The following CEP170B variants were observed in gnomAD, a reference collection of about 807,000 sequenced individuals.
The protein encoded by CEP170B is centrosomal protein 170B, also known as centrosomal protein of 170 kDa protein B.
A neutral mutation model predicts 120.6 loss-of-function variants in CEP170B; 55 were observed. The observed-to-expected ratio is 0.46, with a 90% confidence interval of 0.37 to 0.57. CEP170B has a LOEUF of 0.57. CEP170B is among the 20% of genes least tolerant of loss of function. The probability of loss-of-function intolerance (pLI) is 0.00; values close to 1 mark genes in which losing one functional copy is unlikely to be tolerated. For missense variants in CEP170B, 2,212 were observed against 2,253.3 expected, an observed-to-expected ratio of 0.98 and a Z score of 0.37; for synonymous variants, 1,033 against 954.5, an observed-to-expected ratio of 1.08 and a Z score of -1.52.
chr14:104,891,491 C>T lies in CEP170B; in HGVS notation c.3879-1485C>T, dbSNP rs1896855112. 6.6e-6 allele frequency among the ~76,000 whole-genome samples: 1 copy of T among 151,754 alleles called. No homozygotes were observed. The highest frequency in any genetic ancestry group is 6.6e-5 in the Admixed American group (1 of 15,246). On this transcript the variant is annotated intron_variant, in intron 13 of 18. Coordinates refer to ENST00000414716, the MANE Select transcript of CEP170B (RefSeq NM_001112726.3). This position sits in a 1 kb window ranked among gnomAD's most constrained non-coding sequence, Gnocchi z 4.3. ...AGGCGCAGGCACCTGAGGCTGTGAG[C>T]AGCATGAAGTTGGTGGGGAGGACCT...
intron 16 of CEP170B, 28 bp downstream of exon 16, chr14:104,893,877 C>T (rs372950060): frequency 3.5e-5 from 55 of 1,586,028 alleles, no homozygotes; most frequent in Admixed American, 3.4e-4. Flanking sequence ...CTGAGGTGGA[C>T]GCCCAGACAC....
At position 104,886,884 on chromosome 14, in the gene CEP170B, A is replaced by C; in HGVS notation, c.2645A>C (p.Lys882Thr). ...GCCAGTGGTCCCCCAGCGCCCGGCAAGCCCCCCCACATCTCCAGCCACCCG... is the reference window on the plus strand; with the variant it reads ...GCCAGTGGTCCCCCAGCGCCCGGCACGCCCCCCCACATCTCCAGCCACCCG... ...EPASGPPAPG[K>T]PPHISSHPLL... Residue 882 changes from lysine (K) to threonine (T), a missense_variant, in exon 12 of 19, where the codon AAG (lysine) becomes ACG (threonine). Lys to Thr is a moderately conservative substitution (Grantham distance 78). Around this residue, in one of 2 missense-constraint regions of CEP170B, gnomAD observed 2,166 missense variants for 2,166.7 expected, o/e 1.00. Coordinates refer to ENST00000414716, the MANE Select transcript of CEP170B (RefSeq NM_001112726.3). 1.2e-6 allele frequency: 2 copies of C among 1,610,470 alleles called. No homozygotes were observed. The highest frequency in any genetic ancestry group is 2.2e-5 in the East Asian group (1 of 44,868).
At position 104,886,737 on chromosome 14, in the gene CEP170B, G is replaced by A. The variant is rs200431109; in HGVS notation, c.2498G>A (p.Arg833Gln). The A allele has an allele frequency of 5.8e-4, 932 of 1,608,168 alleles. 3 individuals carry two copies. Among genetic ancestry groups the A allele is most frequent in the South Asian group, 1.4e-3 (130 of 90,680 alleles). Reference sequence around the variant, plus strand: ...ACAGCCCAGCCCAGCCCCCCAGCACGGGATGGCGTCTATGTCAGTGCCAAT... The same window carrying A: ...ACAGCCCAGCCCAGCCCCCCAGCACAGGATGGCGTCTATGTCAGTGCCAAT... The part of the protein sequence containing the change: ...GQTAQPSPPA[R>Q]DGVYVSANGR... The change falls in exon 12 of 19, where the codon CGG becomes CAG. Residue 833 changes from arginine (R) to glutamine (Q), a missense_variant. Transcript: ENST00000414716.
At position 104,868,145 on chromosome 14, in the gene CEP170B, G is replaced by A. The variant is rs1024785084; in HGVS notation, c.-27-279G>A. ...AACCCCTGACACCTGGAAGATAGAG[G>A]AGATGAGGTGTGCTGGGGCCTGGAG... On this transcript the variant is annotated intron_variant, in intron 1 of 18. Coordinates refer to ENST00000414716, the MANE Select transcript of CEP170B (RefSeq NM_001112726.3). The surrounding 1 kb of genome is among the most constrained non-coding windows in gnomAD (Gnocchi z 5.9). Among the ~76,000 whole-genome samples, 1 of 152,142 alleles carries A rather than the reference G, an allele frequency of 6.6e-6. No homozygotes were observed. Among genetic ancestry groups the A allele is most frequent in the Non-Finnish European group, 1.5e-5 (1 of 67,998 alleles).
In CEP170B at chr14:104,878,466, C is replaced by T. The variant is rs1282777596; in HGVS notation, c.298C>T (p.Arg100Cys). ...GYDSNMYVLERVQHRVPEEAL... is the reference protein window; with the variant it reads ...GYDSNMYVLECVQHRVPEEAL... Reference sequence around the variant, plus strand: ...ACATTCCAACATGTATGTGCTGGAGCGTGTGCAGCACCGAGTCCCGGAGGA... The same window carrying T: ...ACATTCCAACATGTATGTGCTGGAGTGTGTGCAGCACCGAGTCCCGGAGGA... Residue 100 changes from arginine (R) to cysteine (C), a missense_variant, in exon 5 of 19, where the codon CGT becomes TGT. By Grantham distance (180) the Arg-to-Cys change is radical. Coordinates refer to ENST00000414716, the MANE Select transcript of CEP170B (RefSeq NM_001112726.3). The T allele has an allele frequency of 5.6e-6, 9 of 1,612,434 alleles. No homozygotes were observed. Among genetic ancestry groups the T allele is most frequent in the East Asian group, 2.2e-5 (1 of 44,890 alleles).
chr14:104,893,965 C>G, intron 16 of CEP170B, 116 bp downstream of exon 16: 5 of 970,816 alleles, frequency 5.2e-6, no homozygotes, highest in Non-Finnish European at 7.9e-6. Context: ...TCGTGTGCAC[C>G]TGTGGAGCAG....
At position 104,894,843 on chromosome 14, in the gene CEP170B, C is replaced by T. The variant is rs765925122; in HGVS notation, c.4550C>T (p.Ala1517Val). 1 of 1,609,840 alleles carries T rather than the reference C, an allele frequency of 6.2e-7. No homozygotes were observed. Among genetic ancestry groups the T allele is most frequent in the Non-Finnish European group, 8.5e-7 (1 of 1,178,838 alleles). Reference sequence around the variant, plus strand: ...CAGAGCCCACCCTCACCCGCCTCAGCCGAGGCCCTGCTGCCAGCCCTGCCC... The same window carrying T: ...CAGAGCCCACCCTCACCCGCCTCAGTCGAGGCCCTGCTGCCAGCCCTGCCC... ...AAQSPPSPAS[A>V]EALLPALPLR... Residue 1517 changes from alanine (A) to valine (V), a missense_variant, in exon 19 of 19, where the codon GCC becomes GTC. Physicochemically the swap from Ala to Val is moderately conservative, Grantham distance 64. Around this residue, in one of 2 missense-constraint regions of CEP170B, gnomAD observed 2,166 missense variants for 2,166.7 expected, o/e 1.00. Transcript: ENST00000414716.
In CEP170B at chr14:104,889,627, G is replaced by C; in HGVS notation, c.3747G>C (p.Gln1249His). Residue 1249 changes from glutamine (Q) to histidine (H), a missense_variant, in exon 13 of 19, where the codon CAG becomes CAC. Gln to His is a conservative substitution (Grantham distance 24). Coordinates refer to ENST00000414716, the MANE Select transcript of CEP170B (RefSeq NM_001112726.3). ...SGSARYTSTTQTPRAGSSSRA... is the reference protein window; with the variant it reads ...SGSARYTSTTHTPRAGSSSRA... Reference sequence around the variant, plus strand: ...GCTCCCACACCTCAACAGCCACTCAGACCCCGAGGGCTGGCAGCTCCAGCC... The same window carrying C: ...GCTCCCACACCTCAACAGCCACTCACACCCCGAGGGCTGGCAGCTCCAGCC... 6.2e-7 allele frequency: 1 copy of C among 1,611,288 alleles called. No homozygotes were observed. The highest frequency in any genetic ancestry group is 8.5e-7 in the Non-Finnish European group (1 of 1,179,726).
rs1322717846 is a variant in CEP170B, at chr14:104,865,741, G to A, written c.-28+228G>A. Among the ~76,000 whole-genome samples, 1 of 152,032 alleles carries A rather than the reference G, an allele frequency of 6.6e-6. No homozygotes were observed. Among genetic ancestry groups the A allele is most frequent in the Non-Finnish European group, 1.5e-5 (1 of 67,960 alleles). The stretch of plus-strand genomic sequence containing the variant: ...CCCCGTTTCTACGCGGCCTGCGGAG[G>A]GGGCGGCAAGCCTGGGCACCCGGGT... On this transcript the variant is annotated intron_variant, in intron 1 of 18. Coordinates refer to ENST00000414716, the MANE Select transcript of CEP170B (RefSeq NM_001112726.3). The surrounding 1 kb of genome is among the most constrained non-coding windows in gnomAD (Gnocchi z 6.7).
chr14:104,886,287 G>T lies in CEP170B; in HGVS notation c.2048G>T (p.Gly683Val). The T allele has an allele frequency of 6.5e-7, 1 of 1,542,166 alleles. No homozygotes were observed. The highest frequency in any genetic ancestry group is 1.9e-5 in the Admixed American group (1 of 52,324). ...TTGTGCTCCACAGAGGATGGCCTGG[G>T]ACGTAGAGGCGGGGAGCCGGAGGGG... The part of the protein sequence containing the change: ...SDPGLTEDGL[G>V]RRGGEPEGSL... Residue 683 changes from glycine (G) to valine (V), a missense_variant, in exon 12 of 19, where the codon GGA (glycine) becomes GTA (valine). This residue lies in a region of CEP170B where 2,166 missense variants were observed against 2,166.7 expected (regional missense o/e 1.00). Coordinates refer to ENST00000414716, the MANE Select transcript of CEP170B (RefSeq NM_001112726.3).
chr14:104,865,320 C>G lies in CEP170B; in HGVS notation c.-221C>G, dbSNP rs1256474694. 1 of 146,142 alleles carries G rather than the reference C, an allele frequency of 6.8e-6. No homozygotes were observed. 9.1% of individuals were successfully genotyped at this position (146,142 alleles called of 1,614,324 possible). ...GCCGGCGGCCGCTCTGCCGTGGGCT[C>G]GGCCCGGGCTGCCACGAGCGTGCGG... On this transcript the variant is annotated 5_prime_UTR_variant, in exon 1 of 19. Transcript: ENST00000414716. The surrounding 1 kb of genome is among the most constrained non-coding windows in gnomAD (Gnocchi z 6.7).
Position 104,886,099 on chromosome 14 carries a change from G to C in CEP170B, c.2004G>C (p.Leu668=). The C allele has an allele frequency of 1.3e-6, 2 of 1,546,710 alleles. No individual in the cohort carries two copies. Among genetic ancestry groups the C allele is most frequent in the South Asian group, 2.4e-5 (2 of 83,956 alleles). ...GQKWVSRWAS[L]ADSYSDPGLT... ...AGTGGGTGTCCCGCTGGGCCAGCCT[G>C]GCTGACAGCTACTCAGACCCGGGCC... The change falls in exon 11 of 19, where the codon CTG becomes CTC. Residue 668 remains leucine, a synonymous_variant. Transcript: ENST00000414716.
At chr14:104,889,834 C>A in intron 13 of CEP170B, 76 bp downstream of exon 13, 1 of 1,491,876 alleles carries the variant, frequency 6.7e-7, no homozygotes, top group South Asian at 1.3e-5. Context: ...AGGGCAGGGA[C>A]CAGGCTGGGA....
chr14:104,886,739 G>A lies in CEP170B; in HGVS notation c.2500G>A (p.Asp834Asn), dbSNP rs1211682897. The change falls in exon 12 of 19, where the codon GAT (aspartate) becomes AAT (asparagine). Residue 834 changes from aspartate (D) to asparagine (N), a missense_variant. Transcript: ENST00000414716. ...AGCCCAGCCCAGCCCCCCAGCACGGGATGGCGTCTATGTCAGTGCCAATGG... is the reference window on the plus strand; with the variant it reads ...AGCCCAGCCCAGCCCCCCAGCACGGAATGGCGTCTATGTCAGTGCCAATGG... ...QTAQPSPPAR[D>N]GVYVSANGRM... The A allele has an allele frequency of 4.4e-6, 7 of 1,609,174 alleles. No homozygotes were observed. Among genetic ancestry groups the A allele is most frequent in the Non-Finnish European group, 5.9e-6 (7 of 1,177,954 alleles).
In CEP170B at chr14:104,870,047, T is replaced by G. The variant is rs913287091; in HGVS notation, c.105+1492T>G. ...ATTCTCTCCCTTTTTTCTCTTTTCT[T>G]TATGCCTTTGGTAGCGGGAGAGAGT... is the stretch of plus-strand genomic sequence containing the variant. On this transcript the variant is annotated intron_variant, in intron 2 of 18. Coordinates refer to ENST00000414716, the MANE Select transcript of CEP170B (RefSeq NM_001112726.3). This position sits in a 1 kb window ranked among gnomAD's most constrained non-coding sequence, Gnocchi z 4.1. 6.6e-6 allele frequency among the ~76,000 whole-genome samples: 1 copy of G among 152,226 alleles called. No individual in the cohort carries two copies. The highest frequency in any genetic ancestry group is 2.4e-5 in the African/African-American group (1 of 41,456).
At position 104,895,325 on chromosome 14, in the gene CEP170B, C is replaced by T. The variant is rs368365718; in HGVS notation, c.*367C>T. 4.3e-4 allele frequency: 91 copies of T among 209,966 alleles called. No homozygotes were observed. Among genetic ancestry groups the T allele is most frequent in the Non-Finnish European group, 5.6e-4 (59 of 106,026 alleles). 13.0% of individuals were successfully genotyped at this position (209,966 alleles called of 1,614,324 possible). A position where few individuals can be genotyped will look rare whatever the true frequency, so the allele number is the denominator to read the frequency against. ...TTGTTGGTGCCATTGCAGGTGCCCC[C>T]TCCAGGCCTGACTGGCTCCGCCAGG... On this transcript the variant is annotated 3_prime_UTR_variant, in exon 19 of 19. Transcript: ENST00000414716.
chr14:104,895,315 C>T lies in CEP170B; in HGVS notation c.*357C>T, dbSNP rs1397125851. ...AAGGAAAGAGTTGTTGGTGCCATTGCAGGTGCCCCCTCCAGGCCTGACTGG... is the reference window on the plus strand; with the variant it reads ...AAGGAAAGAGTTGTTGGTGCCATTGTAGGTGCCCCCTCCAGGCCTGACTGG... On this transcript the variant is annotated 3_prime_UTR_variant, in exon 19 of 19. Coordinates refer to ENST00000414716, the MANE Select transcript of CEP170B (RefSeq NM_001112726.3). The T allele has an allele frequency of 4.5e-6, 1 of 222,306 alleles. No homozygotes were observed. Among genetic ancestry groups the T allele is most frequent in the East Asian group, 1.0e-4 (1 of 10,010 alleles). 13.8% of individuals were successfully genotyped at this position (222,306 alleles called of 1,614,324 possible).
intron 10 of CEP170B, 106 bp from the exon 11 acceptor site, chr14:104,885,934 G>C (rs902451060): frequency 9.9e-7 from 1 of 1,012,578 alleles, no homozygotes; most frequent in Non-Finnish European, 1.4e-6. Flanking sequence ...GCGCGCATGC[G>C]TGGGGCTGGT....
chr14:104,871,848 A>G (rs1446988041), intron 2 of CEP170B, among the ~76,000 whole-genome samples: 3 of 152,206 alleles, frequency 2.0e-5, no homozygotes, highest in Non-Finnish European at 4.4e-5. Context: ...TCACTAGGCA[A>G]GAGGGGCGGT....
Sources: gnomAD v4.1 joint callset for allele counts (sites outside exome capture counted in the v4.1 genomes callset) on GRCh38, gnomAD v4.1.1 for gene constraint, gnomAD v4.1.1 regional missense constraint, Gnocchi (gnomAD v3.1) non-coding constraint, MANE v1.5 for transcripts, NCBI Gene and HGNC (gene_info 2026-07-23, HGNC 2026-07-21) for gene names.